LRP1B: variants seen among roughly 807,000 people sequenced by gnomAD.
LRP1B encodes LDL receptor related protein 1B, also known as low-density lipoprotein receptor-related protein 1B.
A neutral mutation model predicts 556.6 loss-of-function variants in LRP1B; 217 were observed. The observed-to-expected ratio is 0.39, with a 90% CI of 0.35 to 0.44. The LOEUF (loss-of-function observed/expected upper bound fraction) is 0.44, where lower values mean the gene tolerates loss of function less well. Ranked by LOEUF, LRP1B falls within the 20% of genes least tolerant of loss-of-function variation. LRP1B has a pLI of 1.00. For missense variants in LRP1B, 5,053 were observed against 5,620.8 expected (o/e 0.90, Z 3.23); for synonymous variants, 2,047 against 1,865.8 (o/e 1.10, Z -2.50).
intron 3 of LRP1B, among the ~76,000 whole-genome samples, chr2:141,474,055 TCC>T (rs1239468510): frequency 0.39 from 48,184 of 125,130 alleles, 9,629 homozygotes; most frequent in Non-Finnish European, 0.44. Flanking sequence ...TTTCCTTCCT[TCC>T]TCCCTCCCTC....
At chr2:141,712,484 C>T (rs1051128574) in intron 2 of LRP1B, among the ~76,000 whole-genome samples, 5 of 151,992 alleles carry the variant, frequency 3.3e-5, no homozygotes, top group Non-Finnish European at 5.9e-5. Flanking sequence ...GCCGTGGGAT[C>T]CTGAGCAAGC....
rs1442583040 is a variant in LRP1B, at chr2:142,125,178, A to T, written c.82+5470T>A. 2.0e-5 allele frequency among the ~76,000 whole-genome samples: 3 copies of T among 151,822 alleles called. No individual in the cohort carries two copies. In the East Asian group the frequency reaches 5.8e-4, roughly 29 times the overall value. The stretch of plus-strand genomic sequence containing the variant: ...AAGGGAGGCCATCTGATCATTTATG[A>T]AGAGGAAAATATAGATTTAAAATTG... On this transcript the variant is annotated intron_variant, in intron 1 of 90. Coordinates refer to ENST00000389484, the MANE Select transcript of LRP1B (RefSeq NM_018557.3).
At chr2:140,559,397 G>C (rs1680850825) in intron 43 of LRP1B, among the ~76,000 whole-genome samples, 1 of 151,880 alleles carries the variant, frequency 6.6e-6, no homozygotes, top group Middle Eastern at 3.2e-3. Flanking sequence ...AAAGTTATTA[G>C]AACTAAGAAA....
chr2:141,964,965 C>T (rs1401338021), intron 1 of LRP1B, among the ~76,000 whole-genome samples: 1 of 148,608 alleles, frequency 6.7e-6, no homozygotes, highest in Non-Finnish European at 1.5e-5. Context: ...CAAAAAAAGA[C>T]ATTTATGCAG....
intron 2 of LRP1B, among the ~76,000 whole-genome samples, chr2:141,763,145 T>C (rs1694617056): frequency 6.6e-6 from 1 of 152,150 alleles, no homozygotes; most frequent in Non-Finnish European, 1.5e-5. Context: ...GATAGAAATA[T>C]AGAATAGCCA....
At chr2:140,526,976 T>C (rs1374973576) in intron 47 of LRP1B, among the ~76,000 whole-genome samples, 1 of 151,844 alleles carries the variant, frequency 6.6e-6, no homozygotes, top group East Asian at 1.9e-4. Context: ...CATACTCTGT[T>C]ACATGGCCAT....
intron 2 of LRP1B, among the ~76,000 whole-genome samples, chr2:141,576,025 T>C (rs903107323): frequency 2.6e-5 from 4 of 152,088 alleles, no homozygotes; most frequent in Non-Finnish European, 5.9e-5. Context: ...GTGGAAGACA[T>C]TGTGGAAGGC....
chr2:141,680,229 G>T (rs1434334647), intron 2 of LRP1B, among the ~76,000 whole-genome samples: 1 of 152,086 alleles, frequency 6.6e-6, no homozygotes, highest in Non-Finnish European at 1.5e-5. Flanking sequence ...ACACTTTCAA[G>T]AAGTTTGATG....
chr2:140,878,301 G>A (rs192507389), intron 25 of LRP1B, among the ~76,000 whole-genome samples: 5 of 151,828 alleles, frequency 3.3e-5, no homozygotes, highest in Admixed American at 3.3e-4. Flanking sequence ...TCAATATTGG[G>A]GCCTATTTTC....
intron 50 of LRP1B, among the ~76,000 whole-genome samples, chr2:140,516,357 C>T (rs1272725780): frequency 6.6e-6 from 1 of 151,868 alleles, no homozygotes; most frequent in Non-Finnish European, 1.5e-5. Context: ...TTGTATTAGG[C>T]ATTATAAGTA....
intron 68 of LRP1B, among the ~76,000 whole-genome samples, chr2:140,376,458 T>A (rs1038476165): frequency 2.0e-5 from 3 of 152,206 alleles, no homozygotes. Context: ...TGGATGAGTT[T>A]AATTAAAATG....
At chr2:141,592,574 C>G (rs1186523213) in intron 2 of LRP1B, among the ~76,000 whole-genome samples, 3 of 152,118 alleles carry the variant, frequency 2.0e-5, no homozygotes, top group African/African-American at 7.2e-5. Context: ...AATAGCCAGA[C>G]TCTCATTTAT....
intron 41 of LRP1B, among the ~76,000 whole-genome samples, chr2:140,640,410 T>C (rs1173815572): frequency 1.8e-5 from 2 of 113,090 alleles, no homozygotes; most frequent in African/African-American, 6.9e-5. Flanking sequence ...TTTTTTTTTT[T>C]TTTGAGATGG....
intron 2 of LRP1B, among the ~76,000 whole-genome samples, chr2:141,511,405 T>A (rs567478895): frequency 3.9e-4 from 59 of 152,270 alleles, no homozygotes; most frequent in Non-Finnish European, 7.2e-4. Flanking sequence ...AGGTATATAT[T>A]TTTTTAGATT....
At chr2:141,827,579 A>C (rs1272049081) in intron 1 of LRP1B, among the ~76,000 whole-genome samples, 1 of 152,180 alleles carries the variant, frequency 6.6e-6, no homozygotes, top group Non-Finnish European at 1.5e-5. Context: ...CTCCTTCAAC[A>C]GATGGTGGAA....
chr2:142,042,062 T>A, intron 1 of LRP1B, among the ~76,000 whole-genome samples: 1 of 151,420 alleles, frequency 6.6e-6, no homozygotes. Flanking sequence ...TATTTATGCG[T>A]TTTTTTCTGT....
Position 141,055,091 on chromosome 2 carries a change from C to A in LRP1B, c.1552+25G>T, listed in dbSNP as rs180769561. The A allele has an allele frequency of 2.9e-5, 46 of 1,609,642 alleles. No individual in the cohort carries two copies. In the East Asian group the frequency reaches 1.0e-3, roughly 35 times the overall value. On this transcript the variant is annotated intron_variant, in intron 10 of 90. Transcript: ENST00000389484. ...CCTATTCTAAAGGGGTAGCTGCTGG[C>A]AAATGTTTTATTTTAACAACATACT...
rs543368867 is a variant in LRP1B, at chr2:141,690,545, G to T, written c.205+119734C>A. 1.5e-3 allele frequency among the ~76,000 whole-genome samples: 226 copies of T among 149,000 alleles called. 1 individual carries two copies. Among genetic ancestry groups the T allele is most frequent in the Non-Finnish European group, 2.7e-3 (178 of 67,068 alleles). On this transcript the variant is annotated intron_variant, in intron 2 of 90. Coordinates refer to ENST00000389484, the MANE Select transcript of LRP1B (RefSeq NM_018557.3). ...TTCATATAGAAGATGATCAGTTACA[G>T]TTGGGGTCAACTGCAAATAAACTAA...
chr2:141,816,615 T>C (rs1696559700), intron 1 of LRP1B, among the ~76,000 whole-genome samples: 1 of 152,128 alleles, frequency 6.6e-6, no homozygotes, highest in Non-Finnish European at 1.5e-5. Context: ...AAACGGCCTA[T>C]TGTGGGACTG....
Sources: allele counts gnomAD v4.1 joint callset (sites outside exome capture counted in the v4.1 genomes callset), GRCh38; gene constraint gnomAD v4.1.1; transcripts MANE v1.5; gene names NCBI Gene and HGNC (gene_info 2026-07-23, HGNC 2026-07-21).